The following AKT3 variants were observed in gnomAD, a reference collection of about 807,000 sequenced individuals.
The protein encoded by AKT3 is AKT serine/threonine kinase 3, also known as RAC-gamma serine/threonine-protein kinase.
In AKT3, 15 loss-of-function variants were observed where a neutral mutation model predicts 65.3. The observed-to-expected ratio is 0.23, with a 90% CI of 0.15 to 0.35. AKT3 has a LOEUF of 0.35. Ranked by LOEUF, AKT3 falls within the 10% of genes least tolerant of loss-of-function variation. The probability of loss-of-function intolerance (pLI) is 1.00; values close to 1 mark genes in which losing one functional copy is unlikely to be tolerated. For synonymous variants in AKT3, 206 were observed against 183.8 expected (o/e 1.12, Z -0.98); for missense variants, 243 against 576.5 (o/e 0.42, Z 5.92).
chr1:243,764,693 A>C (rs1173987834), intron 2 of AKT3, among the ~76,000 whole-genome samples: 2 of 152,082 alleles, frequency 1.3e-5, no homozygotes, highest in African/African-American at 4.8e-5. Flanking sequence ...AAAACCAAAA[A>C]AGTCTATATT....
chr1:243,755,218 G>A (rs983589730), intron 2 of AKT3, among the ~76,000 whole-genome samples: 5 of 149,908 alleles, frequency 3.3e-5, no homozygotes, highest in East Asian at 3.9e-4. Flanking sequence ...ACAGGCGGGC[G>A]ACACCACGCC....
intron 2 of AKT3, among the ~76,000 whole-genome samples, chr1:243,756,990 T>G (rs1289594651): frequency 6.6e-6 from 1 of 152,208 alleles, no homozygotes; most frequent in Non-Finnish European, 1.5e-5. Context: ...ACTCTAATTA[T>G]GGGATGCTCT....
At chr1:243,834,359 C>T (rs1694749056) in intron 2 of AKT3, among the ~76,000 whole-genome samples, 1 of 152,122 alleles carries the variant, frequency 6.6e-6, no homozygotes, top group South Asian at 2.1e-4. Flanking sequence ...TTTGCAGCAA[C>T]ATGGATGGAG....
chr1:243,701,665 C>CAA (rs74162707), intron 2 of AKT3, among the ~76,000 whole-genome samples: 61,201 of 124,674 alleles, frequency 0.49, 16,211 homozygotes, highest in Middle Eastern at 0.61. Flanking sequence ...AGAAAAAATG[C>CAA]AAAAAAAAAA....
intron 2 of AKT3, among the ~76,000 whole-genome samples, chr1:243,717,851 G>A (rs1029340623): frequency 2.6e-5 from 4 of 152,176 alleles, no homozygotes; most frequent in Non-Finnish European, 5.9e-5. Context: ...TTGACTTCAA[G>A]TCCAGCTAAT....
At chr1:243,795,291 C>T (rs1253394714) in intron 2 of AKT3, among the ~76,000 whole-genome samples, 1 of 151,994 alleles carries the variant, frequency 6.6e-6, no homozygotes, top group African/African-American at 2.4e-5. Context: ...ACTTAAGGTA[C>T]TCTCAGCAGA....
At chr1:243,618,431 G>A (rs1257101758) in intron 6 of AKT3, among the ~76,000 whole-genome samples, 1 of 151,996 alleles carries the variant, frequency 6.6e-6, no homozygotes, top group Non-Finnish European at 1.5e-5. Flanking sequence ...AGTAAACACA[G>A]ATGCTAATAA....
chr1:243,671,101 C>G (rs1177113098), intron 3 of AKT3, among the ~76,000 whole-genome samples: 1 of 133,264 alleles, frequency 7.5e-6, no homozygotes, highest in Non-Finnish European at 1.5e-5. Context: ...TTTTTTGAGA[C>G]GGAGTCTCGC....
chr1:243,820,064 G>A (rs369796770), intron 2 of AKT3, among the ~76,000 whole-genome samples: 34 of 152,230 alleles, frequency 2.2e-4, no homozygotes, highest in East Asian at 2.1e-3. Context: ...GACTACAGGC[G>A]CATGCCACCA....
intron 12 of AKT3, among the ~76,000 whole-genome samples, chr1:243,514,853 A>G (rs796375106): frequency 6.6e-6 from 1 of 152,118 alleles, no homozygotes; most frequent in Non-Finnish European, 1.5e-5. Flanking sequence ...AAAACATGCA[A>G]CTGATACGTT....
At chr1:243,758,660 GCATTAGATTT>G (rs1405772404) in intron 2 of AKT3, among the ~76,000 whole-genome samples, 2 of 152,168 alleles carry the variant, frequency 1.3e-5, no homozygotes, top group Non-Finnish European at 2.9e-5. Context: ...AGATCATCAG[GCATTAGATTT>G]CATTAGATTC....
chr1:243,644,533 G>GA (rs796460650), intron 5 of AKT3, among the ~76,000 whole-genome samples: 95 of 146,686 alleles, frequency 6.5e-4, no homozygotes, highest in Non-Finnish European at 1.1e-3. Flanking sequence ...AGTTCAAAAT[G>GA]AAAAAAAAAA....
chr1:243,600,747 C>CA (rs1484403104), intron 8 of AKT3, among the ~76,000 whole-genome samples: 3 of 152,156 alleles, frequency 2.0e-5, no homozygotes, highest in African/African-American at 7.2e-5. Context: ...GACCTGCCAC[C>CA]ACCCAACAGG....
Position 243,529,024 on chromosome 1 carries a change from G to T in AKT3, c.1251+16486C>A, listed in dbSNP as rs568755584. Among the ~76,000 whole-genome samples, 39 of 152,084 alleles carry T rather than the reference G, an allele frequency of 2.6e-4. 1 individual carries two copies. Among genetic ancestry groups the T allele is most frequent in the Admixed American group, 2.4e-3 (36 of 15,290 alleles). On this transcript the variant is annotated intron_variant, in intron 12 of 13. Coordinates refer to ENST00000673466, the MANE Select transcript of AKT3 (RefSeq NM_005465.7). ...CTGGTGTGAGATGGTATCTCACAGT[G>T]GTTTTAATTTACATTTCTCTAATGA...
intron 2 of AKT3, among the ~76,000 whole-genome samples, chr1:243,697,526 T>C (rs1685131557): frequency 6.6e-6 from 1 of 152,116 alleles, no homozygotes; most frequent in South Asian, 2.1e-4. Flanking sequence ...ATGAACTTTC[T>C]GTACTATTAT....
intron 8 of AKT3, among the ~76,000 whole-genome samples, chr1:243,593,461 T>A (rs1305591845): frequency 6.6e-6 from 1 of 152,150 alleles, no homozygotes; most frequent in Non-Finnish European, 1.5e-5. Context: ...CCTAGGTGCG[T>A]GGATCACTTG....
intron 8 of AKT3, among the ~76,000 whole-genome samples, chr1:243,612,033 C>G (rs1215168496): frequency 1.3e-5 from 2 of 152,158 alleles, no homozygotes; most frequent in Non-Finnish European, 2.9e-5. Flanking sequence ...AATATCTTAA[C>G]ACATTTTCAT....
chr1:243,581,842 A>G (rs979288167), intron 8 of AKT3, among the ~76,000 whole-genome samples: 2 of 152,020 alleles, frequency 1.3e-5, no homozygotes. Context: ...ACAAAAAAAA[A>G]CTTCTAAAGT....
chr1:243,546,860 A>T (rs1371523173), intron 11 of AKT3: 1 of 152,246 alleles, frequency 6.6e-6, no homozygotes, highest in Non-Finnish European at 1.5e-5. Context: ...CTAATGGATG[A>T]AACTTACGAT....
Sources: gnomAD v4.1 joint callset for allele counts (sites outside exome capture counted in the v4.1 genomes callset) on GRCh38, gnomAD v4.1.1 for gene constraint, MANE v1.5 for transcripts, NCBI Gene and HGNC (gene_info 2026-07-23, HGNC 2026-07-21) for gene names.